TPM1: variants seen among roughly 807,000 people sequenced by gnomAD.
The protein encoded by TPM1 is tropomyosin 1, also known as tropomyosin alpha-1 chain.
Under a neutral mutation model 42.9 loss-of-function variants are expected in TPM1, and 24 were observed. The observed-to-expected ratio is 0.56, with a 90% CI of 0.41 to 0.79. The LOEUF (loss-of-function observed/expected upper bound fraction) is 0.79. Among genes scored for constraint, TPM1 ranks in the 30% least tolerant of loss-of-function variants. The probability of loss-of-function intolerance (pLI) is 0.00; values close to 1 mark genes in which losing one functional copy is unlikely to be tolerated. For synonymous variants in TPM1, 136 were observed against 130.1 expected, an observed-to-expected ratio of 1.05 and a Z score of -0.31; for missense variants, 158 against 351.8, an observed-to-expected ratio of 0.45 and a Z score of 4.41.
intron 2 of TPM1, 165 bp downstream of exon 2, chr15:63,044,317 G>A: frequency 2.1e-6 from 2 of 934,508 alleles, no homozygotes; most frequent in Non-Finnish European, 1.7e-6. Flanking sequence ...GACTGCTACT[G>A]CACACATTCA....
chr15:63,065,463 A>G (rs1358040584), intron 9 of TPM1: 15 of 985,318 alleles, frequency 1.5e-5, no homozygotes, highest in Non-Finnish European at 1.8e-5. Flanking sequence ...AAAAGCCTCT[A>G]GAGACATGAC....
In TPM1 at chr15:63,052,293, C is replaced by T. The variant is rs748262320; in HGVS notation, c.241-4692C>T. Among the ~76,000 whole-genome samples, 6 of 152,150 alleles carry T rather than the reference C, an allele frequency of 3.9e-5. No individual in the cohort carries two copies. In the South Asian group the frequency reaches 1.0e-3, roughly 26 times the overall value. On this transcript the variant is annotated intron_variant, in intron 2 of 9. Coordinates refer to ENST00000403994, the MANE Select transcript of TPM1 (RefSeq NM_001018005.2). ...ATCCCAACACTTTGGGCGGCCGAGA[C>T]GGGTGGATCACCTGAGGTCAGCAGT...
chr15:63,070,496 G>T (rs2036551513), downstream of TPM1: 1 of 993,780 alleles, frequency 1.0e-6, no homozygotes, highest in Non-Finnish European at 1.2e-6. Context: ...TAATGGTGCT[G>T]TTGGAGTCTG....
chr15:63,059,683 C>A lies in TPM1; in HGVS notation c.492+3C>A. 6.2e-7 allele frequency: 1 copy of A among 1,600,762 alleles called. No individual in the cohort carries two copies. Among genetic ancestry groups the A allele is most frequent in the South Asian group, 1.1e-5 (1 of 90,556 alleles). ...ATGCCGACCGCAAATATGAAGAGGT[C>A]AGATCCTGGGGCCCAAAGCCTTGTG... is the stretch of plus-strand genomic sequence containing the variant. On this transcript the variant is annotated splice_donor_region_variant and intron_variant, in intron 4 of 9. Transcript: ENST00000403994.
chr15:63,062,505 T>C, intron 7 of TPM1, 71 bp from the exon 8 acceptor site: 1 of 1,547,158 alleles, frequency 6.5e-7, no homozygotes, highest in Non-Finnish European at 8.9e-7. Context: ...TTTCATCCTC[T>C]AGTTTTCCCT....
rs2034377636 is a variant in TPM1, at chr15:63,053,978, T to C, written c.241-3007T>C. ...ACAGGCGTGAGCCACAGCGCCCAGC[T>C]GAAAGTTTTTTTTTTAATGCTCATC... is the stretch of plus-strand genomic sequence containing the variant. On this transcript the variant is annotated intron_variant, in intron 2 of 9. Coordinates refer to ENST00000403994, the MANE Select transcript of TPM1 (RefSeq NM_001018005.2). Among the ~76,000 whole-genome samples the C allele has an allele frequency of 2.0e-5, 3 of 151,810 alleles. No individual in the cohort carries two copies. The South Asian group carries it at 6.2e-4, about 32-fold the overall frequency.
At chr15:63,062,141 C>T (rs1396161711) in intron 6 of TPM1, 74 bp from the exon 7 acceptor site, 137 of 1,375,538 alleles carry the variant, frequency 1.0e-4, no homozygotes, top group Middle Eastern at 1.8e-4. Context: ...GCTGAGCTGG[C>T]GAGTTCTTTG....
In TPM1 at chr15:63,043,468, G is replaced by C. The variant is rs1221992842; in HGVS notation, c.114+525G>C. On this transcript the variant is annotated intron_variant, in intron 1 of 9. Transcript: ENST00000403994. The stretch of plus-strand genomic sequence containing the variant: ...TGGCGTTCTTCTGTGTCCCCAAGTA[G>C]TGGACTTGAGCCCGCTGAGACCTCG... 8.6e-6 allele frequency: 6 copies of C among 697,946 alleles called. No individual in the cohort carries two copies. The Admixed American group carries it at 1.2e-4, about 14-fold the overall frequency. The allele number at this position is 697,946 out of a possible 1,614,324, so 43.2% of individuals were successfully genotyped here.
At chr15:63,047,740 T>C (rs1319328960) in intron 2 of TPM1, 2 of 152,500 alleles carry the variant, frequency 1.3e-5, no homozygotes, top group African/African-American at 4.8e-5. Flanking sequence ...TAGCTATCAT[T>C]TGAGTTTTTA....
At chr15:63,062,095 T>C in intron 6 of TPM1, 120 bp from the exon 7 acceptor site, 1 of 878,660 alleles carries the variant, frequency 1.1e-6, no homozygotes, top group South Asian at 1.4e-5. Flanking sequence ...ATATCAGAGG[T>C]TCCATTACCT....
chr15:63,058,336 C>T (rs981021575), intron 3 of TPM1, among the ~76,000 whole-genome samples: 1 of 152,146 alleles, frequency 6.6e-6, no homozygotes, highest in Admixed American at 6.5e-5. Context: ...ATGTGACTTG[C>T]ACCAAGGCTC....
chr15:63,063,085 C>CAT, intron 8 of TPM1: 1 of 978,334 alleles, frequency 1.0e-6, no homozygotes, highest in Non-Finnish European at 1.2e-6. Flanking sequence ...TATTTTAAGT[C>CAT]ATATATTATC....
chr15:63,048,665 C>A, intron 2 of TPM1: 2 of 1,539,464 alleles, frequency 1.3e-6, no homozygotes, highest in African/African-American at 1.4e-5. Flanking sequence ...GCGCGGGCAC[C>A]CTGCAGCGCG....
intron 2 of TPM1, chr15:63,055,669 T>G (rs2034661274): frequency 6.6e-6 from 1 of 152,188 alleles, no homozygotes; most frequent in South Asian, 2.1e-4. Context: ...GGTCCCTAAG[T>G]GTGTATTGTA....
downstream of TPM1, among the ~76,000 whole-genome samples, chr15:63,069,571 G>C (rs2036488440): frequency 6.6e-6 from 1 of 152,338 alleles, no homozygotes; most frequent in South Asian, 2.1e-4. Flanking sequence ...AAGTGGTTTA[G>C]TGAGGTATAA....
chr15:63,062,334 G>A (rs1195340076), intron 7 of TPM1, 57 bp downstream of exon 7: 2 of 1,539,114 alleles, frequency 1.3e-6, no homozygotes, highest in African/African-American at 2.7e-5. Flanking sequence ...TGTTTTCATG[G>A]AACCGGTCAG....
At chr15:63,046,642 G>A (rs2032438428) in intron 2 of TPM1, 1 of 152,544 alleles carries the variant, frequency 6.6e-6, no homozygotes, top group South Asian at 2.1e-4. Context: ...AGGCTGAAGG[G>A]GATCGAAGAC....
downstream of TPM1, among the ~76,000 whole-genome samples, chr15:63,068,792 C>G (rs2036428105): frequency 6.6e-6 from 1 of 152,136 alleles, no homozygotes; most frequent in Non-Finnish European, 1.5e-5. Flanking sequence ...GTAGGTGTTG[C>G]AAGTTTCGTT....
chr15:63,058,746 T>G (rs946867329), intron 3 of TPM1, among the ~76,000 whole-genome samples: 5 of 152,238 alleles, frequency 3.3e-5, no homozygotes, highest in Admixed American at 3.3e-4. Context: ...TCACTTATAC[T>G]GCCTACTTAA....
Sources: allele counts gnomAD v4.1 joint callset (sites outside exome capture counted in the v4.1 genomes callset), GRCh38; gene constraint gnomAD v4.1.1; transcripts MANE v1.5; gene names NCBI Gene and HGNC (gene_info 2026-07-23, HGNC 2026-07-21).